LRRC7: variants seen among roughly 807,000 people sequenced by gnomAD.
The protein encoded by LRRC7 is leucine-rich repeat-containing protein 7.
In LRRC7, 23 loss-of-function variants were observed where a neutral mutation model predicts 175.7. That is an observed-to-expected ratio of 0.13 (90% CI 0.09 to 0.19). The LOEUF is 0.19. LRRC7 is among the 10% of genes least tolerant of loss of function. LRRC7 has a pLI of 1.00. For missense variants in LRRC7, 1,354 were observed against 1,904.7 expected, an observed-to-expected ratio of 0.71 and a Z score of 5.38; for synonymous variants, 685 against 680.9, an observed-to-expected ratio of 1.01 and a Z score of -0.09.
chr1:70,114,604 T>C (rs1165359080), intron 26 of LRRC7, among the ~76,000 whole-genome samples: 1 of 152,110 alleles, frequency 6.6e-6, no homozygotes, highest in Non-Finnish European at 1.5e-5. Flanking sequence ...AGGAGGATCC[T>C]TCAAGCCCAG....
intron 1 of LRRC7, chr1:69,608,126 T>A (rs892703717): frequency 1.3e-5 from 2 of 152,716 alleles, no homozygotes; most frequent in African/African-American, 4.8e-5. Context: ...AATCTCAAAC[T>A]AACATTCCAT....
intron 7 of LRRC7, among the ~76,000 whole-genome samples, chr1:69,862,196 G>T (rs753989227): frequency 6.6e-6 from 1 of 152,024 alleles, no homozygotes; most frequent in Non-Finnish European, 1.5e-5. Flanking sequence ...CATCTATGGC[G>T]CAAGATAATA....
intron 1 of LRRC7, among the ~76,000 whole-genome samples, chr1:69,660,764 C>T (rs1657344598): frequency 6.6e-6 from 1 of 151,978 alleles, no homozygotes; most frequent in African/African-American, 2.4e-5. Context: ...CATAAAGCGC[C>T]TTTGTAAAGA....
intron 10 of LRRC7, among the ~76,000 whole-genome samples, chr1:69,990,875 A>G (rs1489894776): frequency 6.6e-6 from 1 of 152,214 alleles, no homozygotes; most frequent in East Asian, 1.9e-4. Context: ...CAGAATTTCA[A>G]GTTCAGCTAT....
intron 1 of LRRC7, among the ~76,000 whole-genome samples, chr1:69,631,580 G>T (rs185658480): frequency 1.3e-5 from 2 of 151,966 alleles, no homozygotes; most frequent in Non-Finnish European, 2.9e-5. Flanking sequence ...CCCGACAGTC[G>T]CTTCTTTCCC....
chr1:69,978,035 CA>C (rs372235739), intron 8 of LRRC7, among the ~76,000 whole-genome samples: 1 of 151,688 alleles, frequency 6.6e-6, no homozygotes, highest in African/African-American at 2.4e-5. Flanking sequence ...AGGAAAAAAA[CA>C]AAAAAACAAA....
chr1:70,017,585 T>A (rs1260338566), intron 14 of LRRC7, among the ~76,000 whole-genome samples: 1 of 152,176 alleles, frequency 6.6e-6, no homozygotes, highest in Non-Finnish European at 1.5e-5. Flanking sequence ...ATTTAGCTCA[T>A]CATTATTTTC....
chr1:69,823,532 T>C (rs1045143787), intron 4 of LRRC7, among the ~76,000 whole-genome samples: 1 of 148,856 alleles, frequency 6.7e-6, no homozygotes, highest in African/African-American at 2.5e-5. Context: ...TTTAAAAGTG[T>C]GTGTGTGGGA....
chr1:69,944,906 T>G (rs766425712), intron 8 of LRRC7, among the ~76,000 whole-genome samples: 58 of 152,078 alleles, frequency 3.8e-4, no homozygotes, highest in Non-Finnish European at 7.8e-4. Context: ...TTTTAGATAT[T>G]GATCCCTTAT....
At chr1:69,995,650 G>A (rs549877312) in intron 11 of LRRC7, among the ~76,000 whole-genome samples, 84 of 151,222 alleles carry the variant, frequency 5.6e-4, no homozygotes, top group African/African-American at 1.9e-3. Context: ...GAGAATATGC[G>A]GTGTTTGGTT....
intron 11 of LRRC7, among the ~76,000 whole-genome samples, chr1:70,005,396 G>A (rs1165716500): frequency 1.3e-5 from 2 of 152,138 alleles, no homozygotes; most frequent in East Asian, 3.8e-4. Flanking sequence ...TGATGTTAAA[G>A]TGAAATTATA....
intron 11 of LRRC7, among the ~76,000 whole-genome samples, chr1:70,000,780 G>A (rs1474129999): frequency 3.3e-5 from 5 of 152,146 alleles, no homozygotes; most frequent in African/African-American, 4.8e-5. Flanking sequence ...TTAAAAGGCC[G>A]GTTCTGATCC....
At chr1:69,644,046 T>G (rs1011958031) in intron 1 of LRRC7, among the ~76,000 whole-genome samples, 2 of 152,162 alleles carry the variant, frequency 1.3e-5, no homozygotes, top group Non-Finnish European at 2.9e-5. Context: ...AATTTTTAGT[T>G]TTAAAGGATT....
chr1:70,052,898 G>A, intron 22 of LRRC7, 128 bp from the exon 23 acceptor site: 1 of 926,494 alleles, frequency 1.1e-6, no homozygotes, highest in Non-Finnish European at 1.6e-6. Flanking sequence ...AATATTTGCA[G>A]TTCAGGATGT....
intron 22 of LRRC7, among the ~76,000 whole-genome samples, chr1:70,052,027 G>A (rs901824545): frequency 1.3e-5 from 2 of 151,996 alleles, no homozygotes; most frequent in African/African-American, 2.4e-5. Flanking sequence ...ACACTCTCTA[G>A]CTGGGCTTTA....
chr1:69,736,638 TG>T (rs1213097628), intron 2 of LRRC7, among the ~76,000 whole-genome samples: 1 of 152,118 alleles, frequency 6.6e-6, no homozygotes, highest in Non-Finnish European at 1.5e-5. Context: ...TGTGTGTGTG[TG>T]GTGAATAAAT....
chr1:69,713,481 G>A (rs1665012755), intron 2 of LRRC7, among the ~76,000 whole-genome samples: 1 of 152,172 alleles, frequency 6.6e-6, no homozygotes, highest in African/African-American at 2.4e-5. Flanking sequence ...GGATGACAAA[G>A]CGAGACCCTG....
intron 7 of LRRC7, among the ~76,000 whole-genome samples, chr1:69,917,557 G>T (rs1466630657): frequency 2.0e-5 from 3 of 152,100 alleles, no homozygotes; most frequent in African/African-American, 7.2e-5. Flanking sequence ...AATGTCTGGA[G>T]ACATTGTGAT....
intron 26 of LRRC7, among the ~76,000 whole-genome samples, chr1:70,115,948 G>T (rs367577272): frequency 6.6e-6 from 1 of 152,168 alleles, no homozygotes; most frequent in South Asian, 2.1e-4. Context: ...GGTTGATTTT[G>T]CAGTTATTCT....
Sources: gnomAD v4.1 joint callset for allele counts (sites outside exome capture counted in the v4.1 genomes callset) on GRCh38, gnomAD v4.1.1 for gene constraint, MANE v1.5 for transcripts, NCBI Gene and HGNC (gene_info 2026-07-23, HGNC 2026-07-21) for gene names.